EYS: variants seen among roughly 807,000 people sequenced by gnomAD.
EYS encodes protein eyes shut homolog.
In EYS, 250 loss-of-function variants were observed where a neutral mutation model predicts 282.1. The ratio of observed to expected loss-of-function variants is 0.89; its 90% CI spans 0.80 to 0.98. The LOEUF is 0.98. Ranked by LOEUF, EYS falls within the 50% of genes least tolerant of loss-of-function variation. The pLI, the probability that EYS is intolerant of heterozygous loss-of-function variation, is 0.00. For synonymous variants in EYS, 1,355 were observed against 1,282.9 expected (o/e 1.06, Z -1.20); for missense variants, 4,016 against 3,709.0 (o/e 1.08, Z -2.15).
intron 31 of EYS, among the ~76,000 whole-genome samples, chr6:64,125,785 CAAAAAA>C (rs920132590): frequency 0.062 from 3,072 of 49,884 alleles, 95 homozygotes; most frequent in African/African-American, 0.17. Flanking sequence ...GACTCCGTCT[CAAAAAA>C]AAAAAAAAAA....
At chr6:65,276,746 TG>T (rs1011449589) in intron 12 of EYS, among the ~76,000 whole-genome samples, 2 of 152,048 alleles carry the variant, frequency 1.3e-5, no homozygotes, top group African/African-American at 4.8e-5. Flanking sequence ...AGGTAGTTAA[TG>T]AAGCCAAAAG....
chr6:64,591,659 A>C lies in EYS; in HGVS notation c.4208T>G (p.Ile1403Ser). 1 of 1,551,358 alleles carries C rather than the reference A, an allele frequency of 6.4e-7. No individual in the cohort carries two copies. The highest frequency in any genetic ancestry group is 2.4e-5 in the East Asian group (1 of 40,896). ...AAATAATAAAGATTGTGTAGGAAAA[A>C]TAAAATCTGACATTAAGGAAGACAT... ...FIMSSLMSDF[I>S]FPTQSLLFEN... Residue 1403 changes from isoleucine to serine, a missense_variant, in exon 26 of 43, where the codon ATT (isoleucine) becomes AGT (serine). Transcript: ENST00000503581.
chr6:63,976,063 C>G (rs1385536704), intron 35 of EYS, among the ~76,000 whole-genome samples: 4 of 151,768 alleles, frequency 2.6e-5, no homozygotes, highest in Admixed American at 2.6e-4. Flanking sequence ...ATTTGTGTAT[C>G]TAAACATATA....
chr6:65,036,716 C>A (rs1772783118), intron 13 of EYS, among the ~76,000 whole-genome samples: 1 of 151,738 alleles, frequency 6.6e-6, no homozygotes, highest in South Asian at 2.1e-4. Flanking sequence ...AAAAAAAGTT[C>A]ATCACTATTC....
intron 5 of EYS, among the ~76,000 whole-genome samples, chr6:65,476,136 C>A (rs565973048): frequency 9.2e-5 from 14 of 151,940 alleles, no homozygotes; most frequent in Middle Eastern, 3.4e-3. Context: ...CCGTTTTTTG[C>A]GACCCTGCTC....
intron 15 of EYS, among the ~76,000 whole-genome samples, chr6:64,927,253 G>T (rs1192441147): frequency 6.6e-6 from 1 of 152,060 alleles, no homozygotes; most frequent in Non-Finnish European, 1.5e-5. Flanking sequence ...CTTTTTGTTT[G>T]TCAGCTGGCT....
At chr6:65,175,474 G>A (rs1765202985) in intron 12 of EYS, among the ~76,000 whole-genome samples, 1 of 151,210 alleles carries the variant, frequency 6.6e-6, no homozygotes, top group South Asian at 2.1e-4. Flanking sequence ...AGAAAGAAGA[G>A]ATAAGGAAAC....
intron 12 of EYS, among the ~76,000 whole-genome samples, chr6:65,112,193 A>ACATT (rs1775233146): frequency 6.6e-6 from 1 of 152,146 alleles, no homozygotes; most frequent in Admixed American, 6.5e-5. Context: ...ATAATCATGA[A>ACATT]CATTCCCGAG....
intron 31 of EYS, among the ~76,000 whole-genome samples, chr6:64,148,486 C>T (rs1045210789): frequency 2.6e-5 from 4 of 152,076 alleles, no homozygotes; most frequent in African/African-American, 9.7e-5. Flanking sequence ...AGCCCAGTCC[C>T]CTATGATGGC....
chr6:64,178,128 T>C (rs1229580816), intron 31 of EYS, among the ~76,000 whole-genome samples: 1 of 152,124 alleles, frequency 6.6e-6, no homozygotes, highest in Non-Finnish European at 1.5e-5. Context: ...GTTTTCCATC[T>C]GTTAAATTTT....
chr6:63,778,440 T>C (rs1299519319), intron 39 of EYS, among the ~76,000 whole-genome samples: 1 of 152,100 alleles, frequency 6.6e-6, no homozygotes, highest in Non-Finnish European at 1.5e-5. Flanking sequence ...AGTCATATTT[T>C]CTTTTAAACA....
intron 26 of EYS, among the ~76,000 whole-genome samples, chr6:64,520,970 A>G (rs1033067631): frequency 2.6e-5 from 4 of 151,784 alleles, no homozygotes; most frequent in Non-Finnish European, 5.9e-5. Context: ...GCAGAGATAC[A>G]ATTCATGAAT....
intron 33 of EYS, among the ~76,000 whole-genome samples, chr6:64,059,186 A>G (rs888795335): frequency 6.6e-6 from 1 of 152,094 alleles, no homozygotes; most frequent in Admixed American, 6.6e-5. Flanking sequence ...TTTTCATTTT[A>G]TATTATAGAT....
intron 22 of EYS, among the ~76,000 whole-genome samples, chr6:64,806,967 C>T (rs1021167848): frequency 6.6e-6 from 1 of 152,040 alleles, no homozygotes; most frequent in African/African-American, 2.4e-5. Flanking sequence ...TTCTGTAGTC[C>T]TCTGCTGTGT....
chr6:64,129,549 G>T (rs1421964255), intron 31 of EYS, among the ~76,000 whole-genome samples: 1 of 152,130 alleles, frequency 6.6e-6, no homozygotes, highest in African/African-American at 2.4e-5. Flanking sequence ...CAGATGAGTA[G>T]ATTGCAAAAA....
At chr6:65,001,550 A>C (rs1771468224) in intron 13 of EYS, among the ~76,000 whole-genome samples, 2 of 147,898 alleles carry the variant, frequency 1.4e-5, no homozygotes, top group Non-Finnish European at 3.0e-5. Context: ...GGAGCATGGC[A>C]AGCCAAAAGG....
At chr6:64,003,540 A>G (rs1208299510) in intron 33 of EYS, among the ~76,000 whole-genome samples, 1 of 152,200 alleles carries the variant, frequency 6.6e-6, no homozygotes, top group Non-Finnish European at 1.5e-5. Context: ...CTGTGTCAAA[A>G]CATCCCATAT....
At chr6:64,893,853 T>A (rs986814515) in intron 18 of EYS, among the ~76,000 whole-genome samples, 29 of 152,080 alleles carry the variant, frequency 1.9e-4, no homozygotes, top group Admixed American at 1.4e-3. Flanking sequence ...TACACACATT[T>A]CATACACATA....
intron 33 of EYS, among the ~76,000 whole-genome samples, chr6:64,012,962 C>T (rs1171100758): frequency 6.6e-6 from 1 of 152,106 alleles, no homozygotes; most frequent in Non-Finnish European, 1.5e-5. Context: ...AGTGATTTTT[C>T]TGAGCACTTC....
Sources: gnomAD v4.1 joint callset for allele counts (sites outside exome capture counted in the v4.1 genomes callset) on GRCh38, gnomAD v4.1.1 for gene constraint, MANE v1.5 for transcripts, NCBI Gene and HGNC (gene_info 2026-07-23, HGNC 2026-07-21) for gene names.